Variants in OTOA observed in about 807,000 individuals in gnomAD.
OTOA encodes the protein cancer/testis antigen 108.
A neutral mutation model predicts 110.8 loss-of-function variants in OTOA; 70 were observed. The ratio of observed to expected loss-of-function variants is 0.63; its 90% CI spans 0.52 to 0.77. OTOA has a LOEUF of 0.77. Among genes scored for constraint, OTOA ranks in the 30% least tolerant of loss-of-function variants. The pLI is 0.00. For synonymous variants in OTOA, 373 were observed against 431.5 expected (o/e 0.86, Z 1.68); for missense variants, 917 against 1,075.8 (o/e 0.85, Z 2.06).
At chr16:21,695,891 A>ATATATATATATATTTTTTTTTT (rs569493650) in intron 9 of OTOA, among the ~76,000 whole-genome samples, 1 of 41,904 alleles carries the variant, frequency 2.4e-5, no homozygotes, top group African/African-American at 1.5e-4. Flanking sequence ...ATATATATAT[A>ATATATATATATATTTTTTTTTT]TTTTTTTTTT....
chr16:21,719,641 C>T (rs1032536374), intron 17 of OTOA, 137 bp downstream of exon 17: 12 of 873,828 alleles, frequency 1.4e-5, no homozygotes, highest in Non-Finnish European at 2.3e-5. Flanking sequence ...AAAGATTGAG[C>T]CAGGTTTTTT....
At position 21,710,039 on chromosome 16, in the gene OTOA, A is replaced by G. The variant is rs1178832016; in HGVS notation, c.1256A>G (p.Gln419Arg). 6.2e-7 allele frequency: 1 copy of G among 1,614,044 alleles called. No homozygotes were observed. The highest frequency in any genetic ancestry group is 1.7e-5 in the Admixed American group (1 of 59,998). Residue 419 changes from glutamine to arginine, a missense_variant, in exon 13 of 29, where the codon CAG (glutamine) becomes CGG (arginine). Gln to Arg is a conservative substitution (Grantham distance 43, BLOSUM62 1). Transcript: ENST00000646100. ...CACGGAGCCATCTCCACCCTCAACC[A>G]GGTCTCAGGTTGGGCCAAGAGCCAG... The part of the protein sequence containing the change: ...AVHGAISTLN[Q>R]VSGWAKSQVI...
chr16:21,760,517 C>G lies in OTOA; in HGVS notation c.3397C>G (p.Leu1133Val), dbSNP rs545045757. ...TTGGCTTGGTTGTCCCCTGCTGGTT[C>G]TAATGGCCAAGCTCCTGTGGTGAGT... ...GLWLGCPLLV[L>V]MAKLLW Residue 1133 changes from leucine to valine, a missense_variant, in exon 29 of 29, where the codon CTA becomes GTA. By Grantham distance (32) the Leu-to-Val change is conservative. Transcript: ENST00000646100. 2 of 1,606,340 alleles carry G rather than the reference C, an allele frequency of 1.2e-6. No homozygotes were observed. Among genetic ancestry groups the G allele is most frequent in the African/African-American group, 2.7e-5 (2 of 74,754 alleles).
At chr16:21,710,162 C>T (rs1567381267) in intron 13 of OTOA, 59 bp downstream of exon 13, 1 of 1,428,514 alleles carries the variant, frequency 7.0e-7, no homozygotes, top group Non-Finnish European at 9.7e-7. Context: ...TGTATTAGAC[C>T]TGCCAGGCTG....
intron 9 of OTOA, among the ~76,000 whole-genome samples, chr16:21,694,703 C>T (rs760324267): frequency 8.5e-5 from 13 of 152,052 alleles, no homozygotes; most frequent in Non-Finnish European, 1.3e-4. Flanking sequence ...GGAATGAGCT[C>T]GGTGTGGGGA....
intron 12 of OTOA, among the ~76,000 whole-genome samples, chr16:21,708,158 G>GAA (rs1898249121): frequency 6.6e-6 from 1 of 152,146 alleles, no homozygotes; most frequent in South Asian, 2.1e-4. Context: ...ACCATAATGT[G>GAA]AAATCAGTGG....
At chr16:21,695,231 C>A (rs116531483) in intron 9 of OTOA, among the ~76,000 whole-genome samples, 15 of 146,492 alleles carry the variant, frequency 1.0e-4, no homozygotes, top group Middle Eastern at 6.9e-3. Flanking sequence ...GAGACCCCCC[C>A]CCCCCATACA....
chr16:21,683,514 G>A (rs1966933725), intron 6 of OTOA, among the ~76,000 whole-genome samples: 2 of 151,904 alleles, frequency 1.3e-5, no homozygotes, highest in South Asian at 2.1e-4. Context: ...CCAACATAGC[G>A]AGACCTTGTC....
At chr16:21,735,278 G>T (rs1375754993) in intron 21 of OTOA, among the ~76,000 whole-genome samples, 2 of 152,118 alleles carry the variant, frequency 1.3e-5, no homozygotes, top group African/African-American at 2.4e-5. Context: ...GAAGGCGAAG[G>T]GGGAGCAGAC....
chr16:21,719,312 T>C (rs1381755280), intron 16 of OTOA, 75 bp from the exon 17 acceptor site: 1 of 1,554,046 alleles, frequency 6.4e-7, no homozygotes, highest in African/African-American at 1.4e-5. Flanking sequence ...TCTGATCATA[T>C]CTGCCTTCTC....
At chr16:21,730,735 A>G in intron 20 of OTOA, 102 bp from the exon 21 acceptor site, 1 of 898,408 alleles carries the variant, frequency 1.1e-6, no homozygotes, top group East Asian at 2.7e-5. Context: ...TGACATGAGT[A>G]TAAGACAATC....
Position 21,715,790 on chromosome 16 carries a change from T to A in OTOA, c.1488+638T>A, listed in dbSNP as rs577702876. Among the ~76,000 whole-genome samples the A allele has an allele frequency of 4.6e-5, 7 of 151,878 alleles. No individual in the cohort carries two copies. The South Asian group carries it at 1.5e-3, about 32-fold the overall frequency. On this transcript the variant is annotated intron_variant, in intron 14 of 28. Coordinates refer to ENST00000646100, the MANE Select transcript of OTOA (RefSeq NM_144672.4). ...GCTTCGGCCTCCCAAAGTGCTGGGATTATAGGTGTGAGCCACTGTGCCTGG... is the reference window on the plus strand; with the variant it reads ...GCTTCGGCCTCCCAAAGTGCTGGGAATATAGGTGTGAGCCACTGTGCCTGG...
rs777896441 is a variant in OTOA at position 21,717,051 on chromosome 16, T to C, written c.1629+4T>C. The stretch of plus-strand genomic sequence containing the variant: ...TAAGGAACTTGGAAGGAGCCAGGTA[T>C]TACCATGAAACACAGATCGATCCTG... On this transcript the variant is annotated splice_donor_region_variant and intron_variant, in intron 15 of 28. Transcript: ENST00000646100. 7.4e-6 allele frequency: 12 copies of C among 1,613,958 alleles called. No individual in the cohort carries two copies. The highest frequency in any genetic ancestry group is 1.0e-5 in the Non-Finnish European group (12 of 1,179,986).
chr16:21,694,238 C>T (rs758088914), intron 9 of OTOA, among the ~76,000 whole-genome samples: 1 of 152,040 alleles, frequency 6.6e-6, no homozygotes, highest in African/African-American at 2.4e-5. Flanking sequence ...GCCAAAAGTT[C>T]AAGACCAGCC....
intron 11 of OTOA, among the ~76,000 whole-genome samples, chr16:21,702,493 G>A (rs1053058725): frequency 6.6e-6 from 1 of 152,038 alleles, no homozygotes; most frequent in Non-Finnish European, 1.5e-5. Context: ...GCCAGACTTC[G>A]TGGCTTAATC....
chr16:21,759,105 T>C (rs1900087022), intron 28 of OTOA, among the ~76,000 whole-genome samples: 4 of 152,216 alleles, frequency 2.6e-5, no homozygotes, highest in South Asian at 4.1e-4. Context: ...ATAGATAATA[T>C]GTGCAATAGA....
intron 12 of OTOA, among the ~76,000 whole-genome samples, chr16:21,707,726 CA>C (rs1386226785): frequency 9.2e-5 from 12 of 130,742 alleles, no homozygotes; most frequent in East Asian, 4.4e-4. Context: ...TTCTCTTTCT[CA>C]CTCTCTCTCT....
At chr16:21,738,744 G>C (rs1442663804) in intron 22 of OTOA, among the ~76,000 whole-genome samples, 41 of 152,352 alleles carry the variant, frequency 2.7e-4, no homozygotes, top group African/African-American at 7.7e-4. Flanking sequence ...CAGGATAGTG[G>C]GATGTGGCAG....
chr16:21,719,171 A>G lies in OTOA; in HGVS notation c.1668A>G (p.Arg556=), dbSNP rs1481819953. The change falls in exon 16 of 29, where the codon AGA becomes AGG. Residue 556 remains arginine (R), a synonymous_variant. Transcript: ENST00000646100. ...FLYELLLKTT[R]RPEELLSAGQ... ...ATGAGCTTCTGTTAAAGACCACCAG[A>G]AGGCCTGAGGAGCTTTTGAGGTAGG... 1 of 1,614,078 alleles carries G rather than the reference A, an allele frequency of 6.2e-7. No homozygotes were observed. The highest frequency in any genetic ancestry group is 8.5e-7 in the Non-Finnish European group (1 of 1,180,030).
Sources: gnomAD v4.1 joint callset for allele counts (sites outside exome capture counted in the v4.1 genomes callset) on GRCh38, gnomAD v4.1.1 for gene constraint, MANE v1.5 for transcripts, NCBI Gene and HGNC (gene_info 2026-07-23, HGNC 2026-07-21) for gene names.